FAM186B: variants seen among roughly 807,000 people sequenced by gnomAD.
The protein encoded by FAM186B is family with sequence similarity 186 member B.
In FAM186B, 68 loss-of-function variants were observed where a neutral mutation model predicts 83.4. The observed-to-expected ratio is 0.81, with a 90% CI of 0.67 to 1.00. The LOEUF is 1.00. Among genes scored for constraint, FAM186B ranks in the 50% least tolerant of loss-of-function variants. FAM186B has a pLI of 0.00. For missense variants in FAM186B, 983 were observed against 1,099.2 expected (o/e 0.89, Z 1.49); for synonymous variants, 389 against 422.0 (o/e 0.92, Z 0.96).
intron 5 of FAM186B, among the ~76,000 whole-genome samples, chr12:49,595,963 G>C (rs11837121): frequency 0.016 from 2,407 of 152,232 alleles, 61 homozygotes; most frequent in African/African-American, 0.054. Context: ...CAGCCTGGGC[G>C]ACAGAGCGAG....
At chr12:49,603,430 C>T in intron 2 of FAM186B, 63 bp from the exon 3 acceptor site, 1 of 1,537,840 alleles carries the variant, frequency 6.5e-7, no homozygotes. Flanking sequence ...CACAGACAGC[C>T]CTATAGCACA....
At chr12:49,596,804 C>A (rs1308449605) in intron 5 of FAM186B, among the ~76,000 whole-genome samples, 1 of 152,138 alleles carries the variant, frequency 6.6e-6, no homozygotes, top group East Asian at 1.9e-4. Context: ...AGAATCGCCA[C>A]CTTGAAAAGA....
At chr12:49,612,865 C>T in the FAM186B span, among the ~76,000 whole-genome samples, 44 of 152,100 alleles carry the variant, frequency 2.9e-4, no homozygotes, top group Admixed American at 1.6e-3. Flanking sequence ...GACTTAAATT[C>T]GACACCTGAC....
chr12:49,590,070 C>CT (rs1011882173), intron 5 of FAM186B, among the ~76,000 whole-genome samples: 49 of 144,094 alleles, frequency 3.4e-4, no homozygotes, highest in East Asian at 2.0e-3. Context: ...TCTCTTTGGC[C>CT]TTTTTTTTTT....
At chr12:49,608,190 TAA>T (rs112301367), upstream of FAM186B, among the ~76,000 whole-genome samples, 12 of 135,716 alleles carry the variant, frequency 8.8e-5, no homozygotes, top group Non-Finnish European at 8.0e-5. Flanking sequence ...CTTCATACCT[TAA>T]AAAAAAAAAA....
the FAM186B span, among the ~76,000 whole-genome samples, chr12:49,615,762 C>T: frequency 6.6e-6 from 1 of 151,896 alleles, no homozygotes; most frequent in African/African-American, 2.4e-5. Context: ...GCACTCCAGC[C>T]CGGGCAACAG....
chr12:49,603,171 C>T lies in FAM186B; in HGVS notation c.505+14G>A. 19 of 1,614,148 alleles carry T rather than the reference C, an allele frequency of 1.2e-5. No homozygotes were observed. The highest frequency in any genetic ancestry group is 1.6e-5 in the Non-Finnish European group (19 of 1,180,018). On this transcript the variant is annotated intron_variant, in intron 3 of 6. Coordinates refer to ENST00000257894, the MANE Select transcript of FAM186B (RefSeq NM_032130.3). Reference sequence around the variant, plus strand: ...CCCCACCTAGCTCCCTGGCCAGGTGCTCCTAGAACCTACCTTGTGACCTTT... The same window carrying T: ...CCCCACCTAGCTCCCTGGCCAGGTGTTCCTAGAACCTACCTTGTGACCTTT...
the FAM186B span, among the ~76,000 whole-genome samples, chr12:49,621,125 G>A: frequency 6.6e-6 from 1 of 152,224 alleles, no homozygotes; most frequent in African/African-American, 2.4e-5. Flanking sequence ...ACTCACGCCT[G>A]TAATCCCAAC....
At chr12:49,598,234 G>C (rs1410499352) in intron 5 of FAM186B, among the ~76,000 whole-genome samples, 2 of 152,180 alleles carry the variant, frequency 1.3e-5, no homozygotes, top group African/African-American at 4.8e-5. Flanking sequence ...GTGAGTGGAG[G>C]AGGGACTCTA....
chr12:49,615,006 T>G, the FAM186B span, among the ~76,000 whole-genome samples: 1 of 152,068 alleles, frequency 6.6e-6, no homozygotes, highest in Non-Finnish European at 1.5e-5. Context: ...CGGGTACCTG[T>G]AGTCCCAGCT....
At chr12:49,613,582 G>T in the FAM186B span, among the ~76,000 whole-genome samples, 14 of 151,194 alleles carry the variant, frequency 9.3e-5, no homozygotes, top group African/African-American at 3.4e-4. Context: ...ACTCATGCCT[G>T]TAATCCCAGA....
chr12:49,612,907 T>G, the FAM186B span, among the ~76,000 whole-genome samples: 2 of 152,146 alleles, frequency 1.3e-5, no homozygotes, highest in Admixed American at 6.5e-5. Flanking sequence ...TACAGAATAC[T>G]CCAACCACCA....
At chr12:49,596,585 A>G (rs1939732409) in intron 5 of FAM186B, among the ~76,000 whole-genome samples, 1 of 152,180 alleles carries the variant, frequency 6.6e-6, no homozygotes, top group Admixed American at 6.5e-5. Context: ...ATGAGCTATC[A>G]CCTCACACTG....
downstream of FAM186B, chr12:49,584,526 C>T (rs764566942): frequency 2.7e-5 from 19 of 702,242 alleles, no homozygotes; most frequent in South Asian, 2.8e-4. Flanking sequence ...ATTTGGGTTC[C>T]AGGGAGTGAC....
the FAM186B span, among the ~76,000 whole-genome samples, chr12:49,620,205 G>C: frequency 1.3e-5 from 2 of 152,088 alleles, no homozygotes; most frequent in African/African-American, 2.4e-5. Flanking sequence ...TTCTTAAACT[G>C]TTAGGATAAA....
Position 49,595,023 on chromosome 12 carries a change from C to T in FAM186B, c.2364+3732G>A, listed in dbSNP as rs1010634280. ...GAGATAAATGGATGACAAATAAGCA[C>T]ATGAAAATATGCTCACATTATTGTT... is the stretch of plus-strand genomic sequence containing the variant. On this transcript the variant is annotated intron_variant, in intron 5 of 6. Transcript: ENST00000257894. 1.9e-5 allele frequency: 4 copies of T among 209,620 alleles called. No individual in the cohort carries two copies. The East Asian group carries it at 3.8e-4, about 20-fold the overall frequency. 13.0% of individuals were successfully genotyped at this position (209,620 alleles called of 1,614,324 possible).
chr12:49,587,478 G>T, downstream of FAM186B: 1 of 1,334,672 alleles, frequency 7.5e-7, no homozygotes, highest in Non-Finnish European at 1.1e-6. Flanking sequence ...CTCTCTATCT[G>T]GTGTGGGATA....
the FAM186B span, among the ~76,000 whole-genome samples, chr12:49,613,948 A>G: frequency 6.6e-6 from 1 of 152,138 alleles, no homozygotes; most frequent in African/African-American, 2.4e-5. Context: ...CAGGAGTTCA[A>G]GACCAGCCTG....
chr12:49,600,617 G>C lies in FAM186B; in HGVS notation c.1023C>G (p.Pro341=), dbSNP rs1223437215. The stretch of plus-strand genomic sequence containing the variant: ...TCCTTGGGAGGGTCTCTCTCTCAGA[G>C]GGACCTGGGGAGTCAACAGAAACCT... The part of the protein sequence containing the change: ...LAEVSVDSPG[P]SERETLPRKE... Residue 341 remains proline, a synonymous_variant, in exon 4 of 7, where the codon CCC becomes CCG. Transcript: ENST00000257894. The surrounding 1 kb of genome is among the most constrained non-coding windows in gnomAD (Gnocchi z 4.3). 3.1e-6 allele frequency: 5 copies of C among 1,612,400 alleles called. No homozygotes were observed. The African/African-American group carries it at 6.7e-5, about 22-fold the overall frequency.
Sources: allele counts gnomAD v4.1 joint callset (sites outside exome capture counted in the v4.1 genomes callset), GRCh38; gene constraint gnomAD v4.1.1; non-coding constraint Gnocchi (gnomAD v3.1); transcripts MANE v1.5; gene names NCBI Gene and HGNC (gene_info 2026-07-23, HGNC 2026-07-21).